FMN1: variants seen among roughly 807,000 people sequenced by gnomAD.
FMN1 encodes the protein formin-1.
FMN1 carries 110 observed loss-of-function variants against 132.4 expected under a neutral mutation model. The ratio of observed to expected loss-of-function variants is 0.83; its 90% CI spans 0.71 to 0.97. FMN1 has a LOEUF of 0.97. FMN1 is among the 50% of genes least tolerant of loss of function. The pLI, the probability that FMN1 is intolerant of heterozygous loss-of-function variation, is 0.00. For missense variants in FMN1, 1,792 were observed against 1,705.3 expected (o/e 1.05, Z -0.90); for synonymous variants, 722 against 651.7 (o/e 1.11, Z -1.64).
Position 32,768,299 on chromosome 15 carries a change from A to G in FMN1, c.*6011T>C, listed in dbSNP as rs1301415825. 1 of 152,232 alleles carries G rather than the reference A, an allele frequency of 6.6e-6. No individual in the cohort carries two copies. Among genetic ancestry groups the G allele is most frequent in the Non-Finnish European group, 1.5e-5 (1 of 68,058 alleles). The allele number at this position is 152,232 out of a possible 1,614,324, so 9.4% of individuals were successfully genotyped here. On this transcript the variant is annotated 3_prime_UTR_variant, in exon 21 of 21. Transcript: ENST00000616417. Reference sequence around the variant, plus strand: ...GATCTGGAAAGCGAACCCAGTTAACAGTCAAAAACACATTCGTTTCATAAG... The same window carrying G: ...GATCTGGAAAGCGAACCCAGTTAACGGTCAAAAACACATTCGTTTCATAAG...
Position 32,770,247 on chromosome 15 carries a change from T to C in FMN1, c.*4063A>G, listed in dbSNP as rs1162815436. On this transcript the variant is annotated 3_prime_UTR_variant, in exon 21 of 21. Coordinates refer to ENST00000616417, the MANE Select transcript of FMN1 (RefSeq NM_001277313.2). Reference sequence around the variant, plus strand: ...AGAGCCTGCAAGCGTGCATTGCTAATTCCCATTCACACACTGACTTGGCGC... The same window carrying C: ...AGAGCCTGCAAGCGTGCATTGCTAACTCCCATTCACACACTGACTTGGCGC... 6.6e-6 allele frequency: 1 copy of C among 152,202 alleles called. No homozygotes were observed. Among genetic ancestry groups the C allele is most frequent in the African/African-American group, 2.4e-5 (1 of 41,450 alleles). 9.4% of individuals were successfully genotyped at this position (152,202 alleles called of 1,614,324 possible).
chr15:32,915,515 ACACT>A (rs1308501510), intron 10 of FMN1, among the ~76,000 whole-genome samples: 1 of 152,198 alleles, frequency 6.6e-6, no homozygotes, highest in Non-Finnish European at 1.5e-5. Flanking sequence ...TACTTTGAAA[ACACT>A]CACTTTCTGT....
chr15:32,905,139 T>C (rs1460771601), intron 12 of FMN1, among the ~76,000 whole-genome samples: 1 of 152,266 alleles, frequency 6.6e-6, no homozygotes, highest in Non-Finnish European at 1.5e-5. Flanking sequence ...CTTCAGCTTC[T>C]AATATATGAA....
At position 32,992,812 on chromosome 15, in the gene FMN1, T is replaced by C. The variant is rs916910637; in HGVS notation, c.2223+15202A>G. On this transcript the variant is annotated intron_variant, in intron 7 of 20. Coordinates refer to ENST00000616417, the MANE Select transcript of FMN1 (RefSeq NM_001277313.2). ...TTATAAAGACCATAACAATCAATAG[T>C]GGGTCATAAAAATCGTTCATTTTTA... Among the ~76,000 whole-genome samples, 4 of 152,258 alleles carry C rather than the reference T, an allele frequency of 2.6e-5. No individual in the cohort carries two copies. The East Asian group carries it at 7.7e-4, about 29-fold the overall frequency.
intron 3 of FMN1, among the ~76,000 whole-genome samples, chr15:33,172,073 T>C (rs1965345191): frequency 6.6e-6 from 1 of 151,952 alleles, no homozygotes; most frequent in Non-Finnish European, 1.5e-5. Context: ...CCGGGCGTGG[T>C]GGCGGGCGCC....
intron 13 of FMN1, 78 bp from the exon 14 acceptor site, chr15:32,900,203 T>C: frequency 6.7e-7 from 1 of 1,493,582 alleles, no homozygotes; most frequent in Non-Finnish European, 9.3e-7. Flanking sequence ...ATATCGACTG[T>C]GTACTCAATA....
intron 4 of FMN1, among the ~76,000 whole-genome samples, chr15:33,108,870 G>A (rs145143569): frequency 0.02 from 3,048 of 152,190 alleles, 61 homozygotes; most frequent in South Asian, 0.093. Context: ...ACACATTGTT[G>A]TCTTTGGCCT....
chr15:33,025,628 T>C lies in FMN1; in HGVS notation c.2162-17553A>G, dbSNP rs374173961. Among the ~76,000 whole-genome samples the C allele has an allele frequency of 6.7e-4, 102 of 152,298 alleles. 5 individuals are homozygous for C. In the South Asian group the frequency reaches 0.021, roughly 32 times the overall value. On this transcript the variant is annotated intron_variant, in intron 6 of 20. Transcript: ENST00000616417. Reference sequence around the variant, plus strand: ...ACCCAACCAACCAACAAAGCAATTATGCGGCGTTTGTTCTAAGAATGTAGG... The same window carrying C: ...ACCCAACCAACCAACAAAGCAATTACGCGGCGTTTGTTCTAAGAATGTAGG...
At chr15:33,123,342 T>G (rs1962745717) in intron 4 of FMN1, among the ~76,000 whole-genome samples, 1 of 152,192 alleles carries the variant, frequency 6.6e-6, no homozygotes, top group Admixed American at 6.5e-5. Flanking sequence ...TCTACTGAAT[T>G]AGGTAAATAC....
chr15:32,906,961 A>C (rs2060440569), intron 12 of FMN1, among the ~76,000 whole-genome samples: 2 of 152,138 alleles, frequency 1.3e-5, no homozygotes, highest in South Asian at 4.1e-4. Flanking sequence ...CAACTGAGTA[A>C]ACCCAGAATT....
chr15:33,142,898 T>G (rs560380865), intron 4 of FMN1, among the ~76,000 whole-genome samples: 1 of 152,344 alleles, frequency 6.6e-6, no homozygotes, highest in South Asian at 2.1e-4. Context: ...TGCTGTCCTT[T>G]GATCATGGAT....
At position 33,008,080 on chromosome 15, in the gene FMN1, A is replaced by G; in HGVS notation, c.2162-5T>C. The G allele has an allele frequency of 6.3e-7, 1 of 1,588,120 alleles. No homozygotes were observed. Among genetic ancestry groups the G allele is most frequent in the Non-Finnish European group, 8.6e-7 (1 of 1,165,606 alleles). On this transcript the variant is annotated splice_region_variant and splice_polypyrimidine_tract_variant and intron_variant, in intron 6 of 20. Transcript: ENST00000616417. ...GTAAAATAGCAGCTTGGTATTCTGTAAAATCAAAAAAGAGGCCAATTATAA... is the reference window on the plus strand; with the variant it reads ...GTAAAATAGCAGCTTGGTATTCTGTGAAATCAAAAAAGAGGCCAATTATAA...
At chr15:32,904,434 G>A (rs347920) in intron 12 of FMN1, among the ~76,000 whole-genome samples, 2,358 of 152,276 alleles carry the variant, frequency 0.015, 60 homozygotes, top group African/African-American at 0.054. Flanking sequence ...TCTGCTTTTT[G>A]TTGTAGAAAA....
intron 6 of FMN1, among the ~76,000 whole-genome samples, chr15:33,055,413 C>T (rs894106995): frequency 1.3e-5 from 2 of 152,172 alleles, no homozygotes; most frequent in Non-Finnish European, 2.9e-5. Flanking sequence ...AAGCTGTACC[C>T]TGATCACCGT....
intron 19 of FMN1, among the ~76,000 whole-genome samples, chr15:32,788,619 C>T (rs2056960718): frequency 6.6e-6 from 1 of 152,134 alleles, no homozygotes; most frequent in South Asian, 2.1e-4. Context: ...GCATCTCTGC[C>T]CAAGGCAGGA....
chr15:33,111,967 T>G (rs1376132991), intron 4 of FMN1, among the ~76,000 whole-genome samples: 1 of 152,200 alleles, frequency 6.6e-6, no homozygotes, highest in African/African-American at 2.4e-5. Context: ...AAAGCTGTTT[T>G]TAAAAAGACT....
chr15:32,901,295 C>A (rs552652320), intron 13 of FMN1, among the ~76,000 whole-genome samples: 1 of 152,094 alleles, frequency 6.6e-6, no homozygotes, highest in African/African-American at 2.4e-5. Context: ...TATCTCATAT[C>A]TTAGAGGAAA....
intron 16 of FMN1, among the ~76,000 whole-genome samples, chr15:32,876,374 C>A (rs138563235): frequency 7.4e-4 from 112 of 152,228 alleles, no homozygotes; most frequent in African/African-American, 2.6e-3. Context: ...AACATGGCAA[C>A]TAAATGCAAT....
In FMN1 at chr15:32,876,562, T is replaced by C. The variant is rs537604642; in HGVS notation, c.3835+11610A>G. ...AATGGGGAAAGTAACTGAGAAGAGC[T>C]ATATGAGAACTCTCTACTCTTTGCA... On this transcript the variant is annotated intron_variant, in intron 16 of 20. Transcript: ENST00000616417. Among the ~76,000 whole-genome samples, 4 of 152,352 alleles carry C rather than the reference T, an allele frequency of 2.6e-5. No individual in the cohort carries two copies. The East Asian group carries it at 7.7e-4, about 29-fold the overall frequency.
Sources: gnomAD v4.1 joint callset for allele counts (sites outside exome capture counted in the v4.1 genomes callset) on GRCh38, gnomAD v4.1.1 for gene constraint, MANE v1.5 for transcripts, NCBI Gene and HGNC (gene_info 2026-07-23, HGNC 2026-07-21) for gene names.